Variants in SZT2 observed in about 807,000 individuals in gnomAD.
The protein encoded by SZT2 is SZT2 subunit of KICSTOR complex.
In SZT2, 216 loss-of-function variants were observed where a neutral mutation model predicts 404.2. The ratio of observed to expected loss-of-function variants is 0.53; its 90% CI spans 0.48 to 0.60. The LOEUF is 0.60. Among genes scored for constraint, SZT2 ranks in the 20% least tolerant of loss-of-function variants. The pLI, the probability that SZT2 is intolerant of heterozygous loss-of-function variation, is 0.00. For synonymous variants in SZT2, 1,693 were observed against 1,749.9 expected, an observed-to-expected ratio of 0.97 and a Z score of 0.81; for missense variants, 3,857 against 4,459.2, an observed-to-expected ratio of 0.86 and a Z score of 3.85.
chr1:43,453,463 G>C lies in SZT2; in HGVS notation c.*2983G>C, dbSNP rs748934658. ...GGAAGGCCGCCTGTCTCCCGGGGAC[G>C]GCCCCCAGCCCCATTTCCCCCTTCT... On this transcript the variant is annotated 3_prime_UTR_variant, in exon 72 of 72. Coordinates refer to ENST00000634258, the MANE Select transcript of SZT2 (RefSeq NM_001365999.1). 22 of 1,562,288 alleles carry C rather than the reference G, an allele frequency of 1.4e-5. No homozygotes were observed. Among genetic ancestry groups the C allele is most frequent in the Non-Finnish European group, 1.9e-5 (22 of 1,152,404 alleles).
intron 3 of SZT2, 171 bp from the exon 4 acceptor site, chr1:43,404,209 T>G (rs931130227): frequency 1.1e-5 from 7 of 614,018 alleles, no homozygotes; most frequent in African/African-American, 1.8e-5. Flanking sequence ...CCTGGTTTTG[T>G]TGTTTTTGTT....
chr1:43,433,130 C>T lies in SZT2; in HGVS notation c.5744C>T (p.Pro1915Leu). The change falls in exon 40 of 72, where the codon CCT (proline) becomes CTT (leucine). Residue 1915 changes from proline to leucine, a missense_variant. Transcript: ENST00000634258. ...SLSGLPGPCL[P>L]DFWLIVRVLQ... Reference sequence around the variant, plus strand: ...TCAGGCCTCCCTGGGCCCTGCCTGCCTGACTTCTGGCTCATTGTCCGGGTC... The same window carrying T: ...TCAGGCCTCCCTGGGCCCTGCCTGCTTGACTTCTGGCTCATTGTCCGGGTC... 3 of 1,614,200 alleles carry T rather than the reference C, an allele frequency of 1.9e-6. No individual in the cohort carries two copies. Among genetic ancestry groups the T allele is most frequent in the Non-Finnish European group, 2.5e-6 (3 of 1,180,038 alleles).
chr1:43,409,369 G>T, intron 4 of SZT2: 1 of 275,790 alleles, frequency 3.6e-6, no homozygotes, highest in South Asian at 3.2e-5. Context: ...TTCATTAGGG[G>T]GATAAGGAGA....
Position 43,454,234 on chromosome 1 carries a change from CT to C in SZT2, c.*3758del, listed in dbSNP as rs1353958865. The C allele has an allele frequency of 1.2e-5, 2 of 170,422 alleles. No homozygotes were observed. Among genetic ancestry groups the C allele is most frequent in the Non-Finnish European group, 2.4e-5 (2 of 84,098 alleles). The allele number at this position is 170,422 out of a possible 1,614,324, so 10.6% of individuals were successfully genotyped here. On this transcript the variant is annotated 3_prime_UTR_variant, in exon 72 of 72. Transcript: ENST00000634258. ...AGCTGTATGACCAAATAAAGAAGCA[CT>C]TTTATACCGCCAGTTATCACACCAC...
In SZT2 at chr1:43,442,700, A is replaced by G; in HGVS notation, c.8151+82A>G. On this transcript the variant is annotated intron_variant, in intron 58 of 71. Coordinates refer to ENST00000634258, the MANE Select transcript of SZT2 (RefSeq NM_001365999.1). The surrounding 1 kb of genome is among the most constrained non-coding windows in gnomAD (Gnocchi z 4.5). The stretch of plus-strand genomic sequence containing the variant: ...AAAAACCAGCTCAGAAGCCAGAAAG[A>G]TGGGACAGACTGAGGGCAGAGGTAG... 6.5e-7 allele frequency: 1 copy of G among 1,535,726 alleles called. No homozygotes were observed. Among genetic ancestry groups the G allele is most frequent in the South Asian group, 1.3e-5 (1 of 79,460 alleles).
chr1:43,416,940 A>G (rs1468397890), intron 7 of SZT2, among the ~76,000 whole-genome samples: 1 of 152,144 alleles, frequency 6.6e-6, no homozygotes, highest in East Asian at 1.9e-4. Context: ...TTTGAGTGCA[A>G]GGGTCAGAAA....
intron 4 of SZT2, chr1:43,412,503 C>T (rs913429628): frequency 2.0e-5 from 3 of 152,022 alleles, no homozygotes; most frequent in Non-Finnish European, 4.4e-5. Context: ...CCAAGCTGGT[C>T]TCTAACTCCT....
intron 30 of SZT2, 51 bp from the exon 31 acceptor site, chr1:43,430,260 T>A: frequency 3.1e-6 from 5 of 1,594,746 alleles, no homozygotes; most frequent in Non-Finnish European, 4.3e-6. Context: ...TTGCCTAGGA[T>A]GAGGCAAGTG....
Position 43,425,002 on chromosome 1 carries a change from C to T in SZT2, c.2551-111C>T. ...AGAGGATGCTCAAGGTCTGAGGCTG[C>T]AGTCATAGGACAATTTGGTGAGGGA... On this transcript the variant is annotated intron_variant, in intron 17 of 71. Transcript: ENST00000634258. This position sits in a 1 kb window ranked among gnomAD's most constrained non-coding sequence, Gnocchi z 4.3. 5 of 1,511,926 alleles carry T rather than the reference C, an allele frequency of 3.3e-6. No homozygotes were observed. The highest frequency in any genetic ancestry group is 4.6e-6 in the Non-Finnish European group (5 of 1,091,144). The allele number at this position is 1,511,926 out of a possible 1,614,324, so 93.7% of individuals were successfully genotyped here.
In SZT2 at chr1:43,426,466, G is replaced by C. The variant is rs982861746; in HGVS notation, c.3142G>C (p.Glu1048Gln). 6.3e-7 allele frequency: 1 copy of C among 1,597,100 alleles called. No homozygotes were observed. Among genetic ancestry groups the C allele is most frequent in the African/African-American group, 1.3e-5 (1 of 74,882 alleles). Residue 1048 changes from glutamate to glutamine, a missense_variant, in exon 22 of 72, where the codon GAG becomes CAG. By Grantham distance (29) the Glu-to-Gln change is conservative. This residue lies in a region of SZT2 where 1,725 missense variants were observed against 1,881.0 expected (regional missense o/e 0.92). Transcript: ENST00000634258. The surrounding 1 kb of genome is among the most constrained non-coding windows in gnomAD (Gnocchi z 4.9). ...SCLGQELSDR[E>Q]IPLTPVDQAA... ...CCTGGGGCAGGAGCTGAGTGACCGG[G>C]AGATCCCACTGACCCCCGTTGACCA... is the stretch of plus-strand genomic sequence containing the variant.
At chr1:43,414,442 T>A (rs2153931354) in intron 4 of SZT2, among the ~76,000 whole-genome samples, 1 of 152,234 alleles carries the variant, frequency 6.6e-6, no homozygotes, top group Non-Finnish European at 1.5e-5. Flanking sequence ...AATTTTTTTT[T>A]ATACAGTCTC....
chr1:43,419,977 A>G, intron 8 of SZT2, 33 bp downstream of exon 8: 1 of 1,596,418 alleles, frequency 6.3e-7, no homozygotes, highest in Non-Finnish European at 8.5e-7. Context: ...TGTGGGAAGG[A>G]GGGAATATAG....
At position 43,450,285 on chromosome 1, in the gene SZT2, T is replaced by TC; in HGVS notation, c.10156-48dup. 6.2e-7 allele frequency: 1 copy of TC among 1,613,626 alleles called. No homozygotes were observed. The highest frequency in any genetic ancestry group is 8.5e-7 in the Non-Finnish European group (1 of 1,179,706). ...CACCCTTTCTGAGCCCTGCCTCCTA[T>TC]CCCCACCCATGCCCTCCTCTCACCA... On this transcript the variant is annotated intron_variant, in intron 71 of 71. Transcript: ENST00000634258. The surrounding 1 kb of genome is among the most constrained non-coding windows in gnomAD (Gnocchi z 4.3).
intron 4 of SZT2, chr1:43,412,576 A>G (rs973523759): frequency 6.6e-6 from 1 of 152,244 alleles, no homozygotes; most frequent in Non-Finnish European, 1.5e-5. Context: ...GTGAACCACT[A>G]TGCTTGGCTC....
chr1:43,437,597 T>C lies in SZT2; in HGVS notation c.6293T>C (p.Leu2098Pro). 1 of 1,614,018 alleles carries C rather than the reference T, an allele frequency of 6.2e-7. No individual in the cohort carries two copies. Among genetic ancestry groups the C allele is most frequent in the Non-Finnish European group, 8.5e-7 (1 of 1,180,006 alleles). The change falls in exon 45 of 72, where the codon CTC becomes CCC. Residue 2098 changes from leucine (L) to proline (P), a missense_variant and splice_region_variant. By Grantham distance (98) the Leu-to-Pro change is moderately conservative (BLOSUM62 -3). Coordinates refer to ENST00000634258, the MANE Select transcript of SZT2 (RefSeq NM_001365999.1). This position sits in a 1 kb window ranked among gnomAD's most constrained non-coding sequence, Gnocchi z 5.3. ...AAAGACATGCTGCTCTTTCCCAGGC[T>C]CCTAGAGACATCCTGCAGTGACCGG... ...RATKAVYYLR[L>P]LETSCSDRPW...
In SZT2 at chr1:43,404,418, C is replaced by A; in HGVS notation, c.366C>A (p.Phe122Leu). 1 of 1,613,962 alleles carries A rather than the reference C, an allele frequency of 6.2e-7. No homozygotes were observed. Among genetic ancestry groups the A allele is most frequent in the Non-Finnish European group, 8.5e-7 (1 of 1,179,972 alleles). Residue 122 changes from phenylalanine (F) to leucine (L), a missense_variant, in exon 4 of 72, where the codon TTC (phenylalanine) becomes TTA (leucine). Phe to Leu is a conservative substitution (Grantham distance 22). This residue lies in a region of SZT2 where 536 missense variants were observed against 637.4 expected (regional missense o/e 0.84). Coordinates refer to ENST00000634258, the MANE Select transcript of SZT2 (RefSeq NM_001365999.1). ...STGEILFDEV[F>L]HALSRCLGGL... ...GGGAGATCTTGTTTGATGAAGTTTT[C>A]CATGCCCTGTCCCGCTGCTTAGGCG... is the stretch of plus-strand genomic sequence containing the variant.
At chr1:43,410,013 C>T (rs1650815763) in intron 4 of SZT2, 1 of 152,178 alleles carries the variant, frequency 6.6e-6, no homozygotes, top group African/African-American at 2.4e-5. Flanking sequence ...TCAGATTATA[C>T]TACAAAGCTA....
In SZT2 at chr1:43,446,204, A is replaced by G. The variant is rs528840014; in HGVS notation, c.8942A>G (p.Tyr2981Cys). 3.1e-6 allele frequency: 5 copies of G among 1,614,198 alleles called. No individual in the cohort carries two copies. The South Asian group carries it at 3.3e-5, about 11-fold the overall frequency. ...PKSTSSPVTT[Y>C]HLQRALPGGI... ...AGCACTAGCTCTCCGGTAACCACCT[A>G]CCACCTGCAGCGGGCACTGCCTGGG... Residue 2981 changes from tyrosine to cysteine, a missense_variant, in exon 64 of 72, where the codon TAC becomes TGC. Physicochemically the swap from Tyr to Cys is radical, Grantham distance 194. Around this residue, in one of 7 missense-constraint regions of SZT2, gnomAD observed 717 missense variants for 868.2 expected, o/e 0.83. Transcript: ENST00000634258.
chr1:43,424,292 G>A lies in SZT2; in HGVS notation c.2331G>A (p.Val777=). The change falls in exon 16 of 72, where the codon GTG becomes GTA. Residue 777 remains valine (V), a synonymous_variant. Coordinates refer to ENST00000634258, the MANE Select transcript of SZT2 (RefSeq NM_001365999.1). This position sits in a 1 kb window ranked among gnomAD's most constrained non-coding sequence, Gnocchi z 4.1. ...TLEPPGPLPL[V]SGRSASSSLA... ...AGCCACCAGGTCCACTGCCCTTGGT[G>A]TCAGGCCGCTCAGCCTCTTCTAGCC... is the stretch of plus-strand genomic sequence containing the variant. The A allele has an allele frequency of 6.3e-7, 1 of 1,598,018 alleles. No homozygotes were observed. Among genetic ancestry groups the A allele is most frequent in the East Asian group, 2.2e-5 (1 of 44,886 alleles).
Sources: allele counts gnomAD v4.1 joint callset (sites outside exome capture counted in the v4.1 genomes callset), GRCh38; gene constraint gnomAD v4.1.1; regional missense constraint gnomAD v4.1.1; non-coding constraint Gnocchi (gnomAD v3.1); transcripts MANE v1.5; gene names NCBI Gene and HGNC (gene_info 2026-07-23, HGNC 2026-07-21).